C10orf143: variants seen among roughly 807,000 people sequenced by gnomAD.
C10orf143 encodes the protein uncharacterized protein C10orf143.
chr10:130,054,690 G>GT, intron 3 of C10orf143, among the ~76,000 whole-genome samples: 1 of 152,228 alleles, frequency 6.6e-6, no homozygotes, highest in South Asian at 2.1e-4. Flanking sequence ...CTTGTCTTTT[G>GT]TTTTTTAAAT....
At chr10:130,107,382 AT>A in intron 1 of C10orf143, 1 of 1,118,668 alleles carries the variant, frequency 8.9e-7, no homozygotes, top group Non-Finnish European at 1.4e-6. Context: ...ACTATTCATT[AT>A]TATCAACGGC....
chr10:130,099,542 ATTTATTTATTTTG>A lies in C10orf143; in HGVS notation c.69+11149_69+11161del, dbSNP rs1564969254. Among the ~76,000 whole-genome samples the A allele has an allele frequency of 4.0e-5, 6 of 149,868 alleles. No homozygotes were observed. In the East Asian group the frequency reaches 7.8e-4, roughly 19 times the overall value. On this transcript the variant is annotated intron_variant, in intron 1 of 3. Transcript: ENST00000637128. ...TATTTATTTATTTATTTATTTATTT[ATTTATTTATTTTG>A]AGACACAGTCTCACTCTGTCGCCCA...
chr10:130,037,655 A>G (rs1860559816), intron 3 of C10orf143, among the ~76,000 whole-genome samples: 1 of 152,216 alleles, frequency 6.6e-6, no homozygotes, highest in Admixed American at 6.5e-5. Context: ...GAGGCTGTGC[A>G]CTCACAGGGA....
downstream of C10orf143, among the ~76,000 whole-genome samples, chr10:130,061,797 T>G (rs1275709978): frequency 2.0e-5 from 3 of 152,338 alleles, no homozygotes; most frequent in East Asian, 5.8e-4. Flanking sequence ...TTTTAGTACC[T>G]GTGGTGCTGA....
At chr10:130,045,232 G>T (rs562136288) in intron 3 of C10orf143, among the ~76,000 whole-genome samples, 1 of 152,362 alleles carries the variant, frequency 6.6e-6, no homozygotes, top group East Asian at 1.9e-4. Context: ...TGCAGGGCAG[G>T]CAGGCTCTGG....
At chr10:130,108,386 C>T (rs1168474177) in intron 1 of C10orf143, 4 of 1,053,782 alleles carry the variant, frequency 3.8e-6, no homozygotes, top group Non-Finnish European at 6.0e-6. Context: ...AAGTGAGTTC[C>T]CTTCAGGGCT....
In C10orf143 at chr10:130,064,042, T is replaced by C. The variant is rs969950308; in HGVS notation, c.*312A>G. The C allele has an allele frequency of 1.1e-5, 3 of 261,842 alleles. No homozygotes were observed. The highest frequency in any genetic ancestry group is 6.6e-5 in the African/African-American group (3 of 45,608). 16.2% of individuals were successfully genotyped at this position (261,842 alleles called of 1,614,324 possible). A position where few individuals can be genotyped will look rare whatever the true frequency, so the allele number is the denominator to read the frequency against. ...GTGCCCAAGCTCATAGGAAGTTTGA[T>C]ACAAAATTTTTTGACTTGTAAATAA... On this transcript the variant is annotated 3_prime_UTR_variant, in exon 4 of 4. Coordinates refer to ENST00000637128, the MANE Select transcript of C10orf143 (RefSeq NM_001355042.2).
intron 3 of C10orf143, among the ~76,000 whole-genome samples, chr10:130,050,827 C>T (rs1433130394): frequency 5.3e-5 from 8 of 152,332 alleles, no homozygotes; most frequent in East Asian, 1.9e-4. Flanking sequence ...GGCGCCTCTC[C>T]GTCTGGGGTC....
chr10:130,107,755 G>A (rs780384892), intron 1 of C10orf143: 5 of 1,237,020 alleles, frequency 4.0e-6, no homozygotes, highest in South Asian at 1.2e-5. Context: ...AGATTACCAA[G>A]GAAAGAGGAG....
At chr10:130,099,871 A>T (rs1338014639) in intron 1 of C10orf143, among the ~76,000 whole-genome samples, 1 of 145,776 alleles carries the variant, frequency 6.9e-6, no homozygotes, top group Non-Finnish European at 1.5e-5. Context: ...ATGGACTCTC[A>T]CTGTCACCCA....
chr10:130,081,948 A>G (rs556839790), intron 1 of C10orf143, among the ~76,000 whole-genome samples: 6 of 150,856 alleles, frequency 4.0e-5, no homozygotes, highest in Non-Finnish European at 8.8e-5. Context: ...AACGGTCACA[A>G]TGAAAAACAA....
rs1347162010 is a variant in C10orf143 at position 130,098,427 on chromosome 10, G to A, written c.69+12277C>T. On this transcript the variant is annotated intron_variant, in intron 1 of 3. Transcript: ENST00000637128. ...TAGCTATGTGATGATAATGAAGGGT[G>A]ACCATGTGGCACGCTGATGGCGTTT... 2.0e-5 allele frequency among the ~76,000 whole-genome samples: 3 copies of A among 152,210 alleles called. No homozygotes were observed. The East Asian group carries it at 5.8e-4, about 29-fold the overall frequency.
intron 1 of C10orf143, among the ~76,000 whole-genome samples, chr10:130,093,755 G>A (rs1295756335): frequency 6.6e-6 from 1 of 152,106 alleles, no homozygotes; most frequent in Non-Finnish European, 1.5e-5. Flanking sequence ...GCTCACACCT[G>A]TAATCCCAGC....
intron 3 of C10orf143, among the ~76,000 whole-genome samples, chr10:130,049,972 T>C (rs1860717833): frequency 6.6e-6 from 1 of 152,238 alleles, no homozygotes; most frequent in Non-Finnish European, 1.5e-5. Context: ...CCATCGGTGA[T>C]GAAATTGAGT....
intron 3 of C10orf143, chr10:130,066,102 A>G (rs1363377387): frequency 6.6e-6 from 1 of 152,020 alleles, no homozygotes; most frequent in Non-Finnish European, 1.5e-5. Context: ...AAGGAGGGGT[A>G]TACCTGGAAG....
intron 1 of C10orf143, chr10:130,106,672 A>G: frequency 8.1e-7 from 1 of 1,238,614 alleles, no homozygotes; most frequent in Middle Eastern, 1.9e-4. Flanking sequence ...TAGCAATAAA[A>G]GATGCTTTGA....
intron 1 of C10orf143, among the ~76,000 whole-genome samples, chr10:130,101,513 A>T (rs946127715): frequency 7.9e-5 from 12 of 152,122 alleles, no homozygotes; most frequent in Non-Finnish European, 1.5e-5. Flanking sequence ...TGAAAGAAAA[A>T]AACCTATCAA....
At chr10:130,071,125 G>GTTCAAACT (rs1861026053) in intron 3 of C10orf143, among the ~76,000 whole-genome samples, 1 of 152,042 alleles carries the variant, frequency 6.6e-6, no homozygotes, top group Non-Finnish European at 1.5e-5. Context: ...CACCATATTG[G>GTTCAAACT]CCAGGCTGGT....
At chr10:130,070,076 T>C (rs956308782) in intron 3 of C10orf143, among the ~76,000 whole-genome samples, 6 of 152,224 alleles carry the variant, frequency 3.9e-5, no homozygotes, top group African/African-American at 1.4e-4. Context: ...TGTTGCTGCA[T>C]GTAACAGATG....
Sources: allele counts gnomAD v4.1 joint callset (sites outside exome capture counted in the v4.1 genomes callset), GRCh38; gene constraint gnomAD v4.1.1; transcripts MANE v1.5; gene names NCBI Gene and HGNC (gene_info 2026-07-23, HGNC 2026-07-21).